HECW2: variants seen among roughly 807,000 people sequenced by gnomAD.
HECW2 encodes HECT, C2 and WW domain containing E3 ubiquitin protein ligase 2, also known as E3 ubiquitin-protein ligase HECW2.
In HECW2, 61 loss-of-function variants were observed where a neutral mutation model predicts 175.2. The ratio of observed to expected loss-of-function variants is 0.35; its 90% CI spans 0.28 to 0.43. The LOEUF (loss-of-function observed/expected upper bound fraction) is 0.43. HECW2 is among the 20% of genes least tolerant of loss of function. The probability of loss-of-function intolerance (pLI) is 1.00; values close to 1 mark genes in which losing one functional copy is unlikely to be tolerated. For missense variants in HECW2, 1,524 were observed against 2,000.5 expected (o/e 0.76, Z 4.54); for synonymous variants, 671 against 731.0 (o/e 0.92, Z 1.32).
intron 2 of HECW2, among the ~76,000 whole-genome samples, chr2:196,402,200 CAAAAAAAAAAAAAAA>C (rs55851966): frequency 0.18 from 12,929 of 70,758 alleles, 814 homozygotes; most frequent in South Asian, 0.38. Flanking sequence ...GACTCTGTCT[CAAAAAAAAAAAAAAA>C]AAAAAAAAAA....
At position 196,444,004 on chromosome 2, in the gene HECW2, C is replaced by T. The variant is rs577055333; in HGVS notation, c.-35-10546G>A. On this transcript the variant is annotated intron_variant, in intron 1 of 28. Coordinates refer to ENST00000644978, the MANE Select transcript of HECW2 (RefSeq NM_001348768.2). ...GAGCCGAGATCAGGCCACTACACTC[C>T]AGCCTGGGCAACAGAGTGAGACCCT... Among the ~76,000 whole-genome samples the T allele has an allele frequency of 3.9e-5, 6 of 152,306 alleles. No homozygotes were observed. In the East Asian group the frequency reaches 1.2e-3, roughly 29 times the overall value.
In HECW2 at chr2:196,220,133, T is replaced by C. The variant is rs1559443725; in HGVS notation, c.4314A>G (p.Val1438=). ...CCAGTTCTCTTGCATCAAAAACAGA[T>C]ACCAGCCTGGCATCCACCACCTGTG... ...GFYEVVDARL[V]SVFDARELEL... is the part of the protein sequence containing the mutation. The change falls in exon 26 of 29, where the codon GTA becomes GTG. Residue 1438 remains valine (V), a synonymous_variant. Transcript: ENST00000644978. 6 of 1,612,922 alleles carry C rather than the reference T, an allele frequency of 3.7e-6. No homozygotes were observed. Among genetic ancestry groups the C allele is most frequent in the Non-Finnish European group, 5.1e-6 (6 of 1,179,334 alleles).
chr2:196,343,811 C>G (rs777038097), intron 2 of HECW2, 47 bp from the exon 3 acceptor site: 6 of 1,131,108 alleles, frequency 5.3e-6, no homozygotes, highest in Non-Finnish European at 8.0e-6. Context: ...TAACCTTTCT[C>G]TCCGTAGCAG....
intron 1 of HECW2, among the ~76,000 whole-genome samples, chr2:196,553,823 CTCAGTAATATCCAA>C (rs200124944): frequency 0.012 from 1,832 of 152,280 alleles, 38 homozygotes; most frequent in African/African-American, 0.042. Flanking sequence ...TAACTTGAGC[CTCAGTAATATCCAA>C]TCAGTAATAT....
At chr2:196,425,225 GA>G (rs35789441) in intron 2 of HECW2, among the ~76,000 whole-genome samples, 125,923 of 143,438 alleles carry the variant, frequency 0.88, 55,520 homozygotes, top group East Asian at 0.97. Context: ...ATACTGCTTG[GA>G]AAAAAAAAAA....
At chr2:196,493,663 T>C (rs1575603759) in intron 1 of HECW2, among the ~76,000 whole-genome samples, 1 of 152,186 alleles carries the variant, frequency 6.6e-6, no homozygotes, top group Non-Finnish European at 1.5e-5. Context: ...AAGGGCTTAA[T>C]TGGTCATGAT....
At chr2:196,453,355 T>C (rs891929551) in intron 1 of HECW2, among the ~76,000 whole-genome samples, 6 of 152,208 alleles carry the variant, frequency 3.9e-5, no homozygotes, top group African/African-American at 1.4e-4. Context: ...GTTTTAAGCA[T>C]GTGAACTAAA....
intron 2 of HECW2, chr2:196,361,761 G>T: frequency 9.2e-6 from 9 of 976,854 alleles, no homozygotes; most frequent in Non-Finnish European, 1.1e-5. Flanking sequence ...AGCTGGACAA[G>T]GAAATCAAGT....
At chr2:196,496,689 T>A (rs1264908692) in intron 1 of HECW2, among the ~76,000 whole-genome samples, 1 of 152,194 alleles carries the variant, frequency 6.6e-6, no homozygotes, top group African/African-American at 2.4e-5. Context: ...ATAATTAGTC[T>A]AAAATTTGTT....
chr2:196,564,143 A>C (rs1321272631), intron 1 of HECW2, among the ~76,000 whole-genome samples: 1 of 152,216 alleles, frequency 6.6e-6, no homozygotes, highest in Non-Finnish European at 1.5e-5. Flanking sequence ...CTTGCCAAAA[A>C]AAGTGAATCT....
At chr2:196,444,123 A>G (rs1267313736) in intron 1 of HECW2, among the ~76,000 whole-genome samples, 1 of 152,200 alleles carries the variant, frequency 6.6e-6, no homozygotes, top group Non-Finnish European at 1.5e-5. Context: ...AAAGATACGA[A>G]ACTTTTACTC....
chr2:196,268,423 TC>T (rs1398954810), intron 17 of HECW2, among the ~76,000 whole-genome samples: 8 of 152,260 alleles, frequency 5.3e-5, no homozygotes, highest in African/African-American at 1.9e-4. Flanking sequence ...AAAAAAATCT[TC>T]AACATCTTTA....
intron 2 of HECW2, among the ~76,000 whole-genome samples, chr2:196,381,110 G>A (rs896957970): frequency 2.0e-5 from 3 of 152,144 alleles, no homozygotes; most frequent in South Asian, 2.1e-4. Flanking sequence ...AACCCTACCC[G>A]GCTTCTCAGC....
chr2:196,396,266 T>C (rs1263421557), intron 2 of HECW2, among the ~76,000 whole-genome samples: 4 of 152,236 alleles, frequency 2.6e-5, no homozygotes, highest in Admixed American at 6.5e-5. Flanking sequence ...GAATAAAAAG[T>C]ATACAAACAA....
chr2:196,315,043 G>C (rs1306765139), intron 10 of HECW2, among the ~76,000 whole-genome samples: 3 of 152,080 alleles, frequency 2.0e-5, no homozygotes, highest in Admixed American at 6.5e-5. Context: ...ATGGGAGACA[G>C]AGCTGAACAG....
chr2:196,398,319 T>C (rs1263554881), intron 2 of HECW2, among the ~76,000 whole-genome samples: 2 of 152,194 alleles, frequency 1.3e-5, no homozygotes, highest in African/African-American at 4.8e-5. Context: ...TGATTATGCA[T>C]GCAGAGAAAC....
intron 1 of HECW2, among the ~76,000 whole-genome samples, chr2:196,563,301 C>T (rs779159221): frequency 1.3e-5 from 2 of 152,106 alleles, no homozygotes; most frequent in African/African-American, 4.8e-5. Context: ...CACGGTGGCT[C>T]ACGCTTGTAA....
At chr2:196,271,800 T>C (rs1242812847) in intron 16 of HECW2, among the ~76,000 whole-genome samples, 1 of 152,174 alleles carries the variant, frequency 6.6e-6, no homozygotes, top group African/African-American at 2.4e-5. Context: ...CTGGCTAATA[T>C]TACTTATACT....
rs1003254068 is a variant in HECW2, at chr2:196,540,858, A to G, written c.-36+52650T>C. On this transcript the variant is annotated intron_variant, in intron 1 of 28. Coordinates refer to ENST00000644978, the MANE Select transcript of HECW2 (RefSeq NM_001348768.2). ...ACTACACTTTCTCCATAGGATAATCATACAAAGAAATGGCTGTTCCTCCCA... is the reference window on the plus strand; with the variant it reads ...ACTACACTTTCTCCATAGGATAATCGTACAAAGAAATGGCTGTTCCTCCCA... Among the ~76,000 whole-genome samples the G allele has an allele frequency of 5.9e-5, 9 of 152,360 alleles. No homozygotes were observed. In the South Asian group the frequency reaches 1.0e-3, roughly 18 times the overall value.
Sources: gnomAD v4.1 joint callset for allele counts (sites outside exome capture counted in the v4.1 genomes callset) on GRCh38, gnomAD v4.1.1 for gene constraint, MANE v1.5 for transcripts, NCBI Gene and HGNC (gene_info 2026-07-23, HGNC 2026-07-21) for gene names.